The following TTC21B variants were observed in gnomAD, a reference collection of about 807,000 sequenced individuals.
The protein encoded by TTC21B is tetratricopeptide repeat protein 21B.
In TTC21B, 127 loss-of-function variants were observed where a neutral mutation model predicts 175.1. The ratio of observed to expected loss-of-function variants is 0.73; its 90% CI spans 0.63 to 0.84. TTC21B has a LOEUF of 0.84. TTC21B is among the 40% of genes least tolerant of loss of function. TTC21B has a pLI of 0.00. For synonymous variants in TTC21B, 524 were observed against 524.5 expected (o/e 1.00, Z 0.01); for missense variants, 1,561 against 1,558.3 (o/e 1.00, Z -0.03).
In TTC21B at chr2:165,928,940, C is replaced by T. The variant is rs1042977627; in HGVS notation, c.1386+195G>A. The T allele has an allele frequency of 1.6e-5, 9 of 579,508 alleles. No homozygotes were observed. In the African/African-American group the frequency reaches 1.7e-4, roughly 11 times the overall value. 35.9% of individuals were successfully genotyped at this position (579,508 alleles called of 1,614,324 possible). A position where few individuals can be genotyped will look rare whatever the true frequency, so the allele number is the denominator to read the frequency against. On this transcript the variant is annotated intron_variant, in intron 11 of 28. Coordinates refer to ENST00000243344, the MANE Select transcript of TTC21B (RefSeq NM_024753.5). ...TTTATGAAATACAAATGAATATTTG[C>T]AAACCAATACTTTCAGTAGTTGACA... is the stretch of plus-strand genomic sequence containing the variant.
At chr2:165,878,916 A>G (rs1483936528) in intron 27 of TTC21B, among the ~76,000 whole-genome samples, 1 of 152,148 alleles carries the variant, frequency 6.6e-6, no homozygotes, top group Non-Finnish European at 1.5e-5. Flanking sequence ...TCCTGACCTC[A>G]GGTGATTTGC....
At chr2:165,895,851 C>T (rs890864078) in intron 22 of TTC21B, among the ~76,000 whole-genome samples, 2 of 151,598 alleles carry the variant, frequency 1.3e-5, no homozygotes, top group African/African-American at 4.9e-5. Flanking sequence ...TGTGGTAGTC[C>T]CCATATTAAA....
At chr2:165,928,685 G>A (rs77089730) in intron 11 of TTC21B, 2,231 of 180,432 alleles carry the variant, frequency 0.012, 67 homozygotes, top group African/African-American at 0.052. Flanking sequence ...GGGAGCAGAA[G>A]GAGGACCAGT....
chr2:165,945,415 T>C (rs1456723053), intron 4 of TTC21B, 109 bp downstream of exon 4: 7 of 1,008,622 alleles, frequency 6.9e-6, no homozygotes, highest in Non-Finnish European at 1.5e-6. Flanking sequence ...ATTTACAAAC[T>C]GGCAATAGAG....
intron 25 of TTC21B, among the ~76,000 whole-genome samples, chr2:165,887,793 A>G (rs916518573): frequency 3.3e-5 from 5 of 152,200 alleles, no homozygotes; most frequent in African/African-American, 1.2e-4. Flanking sequence ...AGATTGCAGG[A>G]GGTTATTTCA....
intron 1 of TTC21B, among the ~76,000 whole-genome samples, chr2:165,953,261 A>T (rs1188398366): frequency 6.6e-6 from 1 of 152,212 alleles, no homozygotes; most frequent in Non-Finnish European, 1.5e-5. Flanking sequence ...TCCACTTTTA[A>T]GTCTTACGTC....
intron 25 of TTC21B, among the ~76,000 whole-genome samples, chr2:165,887,714 G>A (rs1685054902): frequency 6.6e-6 from 1 of 151,964 alleles, no homozygotes; most frequent in Admixed American, 6.6e-5. Context: ...AGGTGGATTC[G>A]AGCACAGTGA....
intron 3 of TTC21B, chr2:165,947,807 T>C (rs982186735): frequency 1.1e-4 from 17 of 152,218 alleles, no homozygotes; most frequent in African/African-American, 3.9e-4. Context: ...AGAGCTCAAG[T>C]CCATTCAGCA....
At chr2:165,908,016 G>C (rs1489633582) in intron 18 of TTC21B, among the ~76,000 whole-genome samples, 2 of 151,854 alleles carry the variant, frequency 1.3e-5, no homozygotes, top group Non-Finnish European at 2.9e-5. Flanking sequence ...ACAACTAGAG[G>C]CTTTTCTTAG....
intron 19 of TTC21B, among the ~76,000 whole-genome samples, chr2:165,905,203 C>T (rs193249520): frequency 2.0e-5 from 3 of 151,402 alleles, no homozygotes; most frequent in Admixed American, 2.0e-4. Context: ...GTAGCTAACA[C>T]CGAAAAATAA....
chr2:165,912,157 A>G (rs1183999974), intron 17 of TTC21B, among the ~76,000 whole-genome samples: 3 of 152,220 alleles, frequency 2.0e-5, no homozygotes, highest in Non-Finnish European at 2.9e-5. Context: ...CTTACTGGAA[A>G]AAAAAATGAA....
intron 7 of TTC21B, 40 bp downstream of exon 7, chr2:165,932,933 T>A: frequency 6.5e-7 from 1 of 1,548,522 alleles, no homozygotes; most frequent in Non-Finnish European, 8.9e-7. Flanking sequence ...TGAAATATAT[T>A]TTTTAATATA....
chr2:165,940,227 T>TG lies in TTC21B; in HGVS notation c.710+799dup, dbSNP rs150417510. 9.7e-3 allele frequency among the ~76,000 whole-genome samples: 1,481 copies of TG among 152,322 alleles called. 28 individuals carry two copies. The highest frequency in any genetic ancestry group is 0.034 in the African/African-American group (1,429 of 41,572). On this transcript the variant is annotated intron_variant, in intron 6 of 28. Coordinates refer to ENST00000243344, the MANE Select transcript of TTC21B (RefSeq NM_024753.5). The stretch of plus-strand genomic sequence containing the variant: ...GCCTGCCCCGACCATTTCTCAATGA[T>TG]GGCAACAGCTTTCAAAAGGTTCTCC...
In TTC21B at chr2:165,899,857, T is replaced by C; in HGVS notation, c.2781A>G (p.Leu927=). Residue 927 remains leucine, a synonymous_variant, in exon 21 of 29, where the codon TTA becomes TTG. Coordinates refer to ENST00000243344, the MANE Select transcript of TTC21B (RefSeq NM_024753.5). ...AATCAGGGTCATCTTGTGCCAGGTATAATCGTGCCAGTTCCAACATAATCT... is the reference window on the plus strand; with the variant it reads ...AATCAGGGTCATCTTGTGCCAGGTACAATCGTGCCAGTTCCAACATAATCT... The part of the protein sequence containing the change: ...DNKIMLELAR[L]YLAQDDPDSC... The C allele has an allele frequency of 2.5e-6, 4 of 1,613,214 alleles. No individual in the cohort carries two copies. Among genetic ancestry groups the C allele is most frequent in the Non-Finnish European group, 2.5e-6 (3 of 1,179,398 alleles).
At chr2:165,911,806 G>A (rs186566107) in intron 17 of TTC21B, among the ~76,000 whole-genome samples, 1,902 of 152,050 alleles carry the variant, frequency 0.013, 26 homozygotes, top group Middle Eastern at 0.085. Flanking sequence ...GGGATTACAG[G>A]AGCCCACCAC....
rs1685382929 is a variant in TTC21B, at chr2:165,896,847, CT to C, written c.2950+1838del. Reference sequence around the variant, plus strand: ...GCTAAAAGATAACATTTCCCACCTTCTTTTGCAGCCACGGAGGTGATACTAC... The same window carrying C: ...GCTAAAAGATAACATTTCCCACCTTCTTTGCAGCCACGGAGGTGATACTAC... On this transcript the variant is annotated intron_variant, in intron 22 of 28. Coordinates refer to ENST00000243344, the MANE Select transcript of TTC21B (RefSeq NM_024753.5). Among the ~76,000 whole-genome samples, 4 of 152,328 alleles carry C rather than the reference CT, an allele frequency of 2.6e-5. No homozygotes were observed. In the South Asian group the frequency reaches 8.3e-4, roughly 32 times the overall value.
intron 14 of TTC21B, 47 bp downstream of exon 14, chr2:165,917,210 G>C (rs772315468): frequency 1.3e-6 from 2 of 1,535,736 alleles, no homozygotes; most frequent in South Asian, 2.2e-5. Context: ...ATATATGTTA[G>C]AATAAGAAAG....
chr2:165,918,597 C>T (rs1686272828), intron 13 of TTC21B, among the ~76,000 whole-genome samples: 1 of 152,188 alleles, frequency 6.6e-6, no homozygotes, highest in African/African-American at 2.4e-5. Flanking sequence ...GCCCGGCCTT[C>T]TGCAAATCTT....
At position 165,949,651 on chromosome 2, in the gene TTC21B, C is replaced by G. The variant is rs886055028; in HGVS notation, c.95G>C (p.Arg32Thr). ...VLLVASEGIK[R>T]YGSDPVFRFY... Reference sequence around the variant, plus strand: ...CCTGAAGACTGGATCACTTCCATACCTCTTAATTCCTTCACTGGCAACCAG... The same window carrying G: ...CCTGAAGACTGGATCACTTCCATACGTCTTAATTCCTTCACTGGCAACCAG... The change falls in exon 2 of 29, where the codon AGG becomes ACG. Residue 32 changes from arginine to threonine, a missense_variant. Arg to Thr is a moderately conservative substitution (Grantham distance 71). Transcript: ENST00000243344. The G allele has an allele frequency of 3.1e-6, 5 of 1,613,388 alleles. No homozygotes were observed. In the Admixed American group the frequency reaches 8.3e-5, roughly 27 times the overall value.
Sources: gnomAD v4.1 joint callset for allele counts (sites outside exome capture counted in the v4.1 genomes callset) on GRCh38, gnomAD v4.1.1 for gene constraint, MANE v1.5 for transcripts, NCBI Gene and HGNC (gene_info 2026-07-23, HGNC 2026-07-21) for gene names.